Variants in GRB10 observed in about 807,000 individuals in gnomAD.
GRB10 encodes the protein growth factor receptor-bound protein 10.
In GRB10, 20 loss-of-function variants were observed where a neutral mutation model predicts 80.9. That is an observed-to-expected ratio of 0.25 (90% CI 0.17 to 0.36). The LOEUF (loss-of-function observed/expected upper bound fraction) is 0.36. Ranked by LOEUF, GRB10 falls within the 10% of genes least tolerant of loss-of-function variation. The pLI is 1.00. For missense variants in GRB10, 548 were observed against 747.7 expected (o/e 0.73, Z 3.12); for synonymous variants, 291 against 291.5 (o/e 1.00, Z 0.02).
intron 8 of GRB10, among the ~76,000 whole-genome samples, chr7:50,625,526 C>A (rs2052719298): frequency 6.6e-6 from 1 of 152,188 alleles, no homozygotes; most frequent in Non-Finnish European, 1.5e-5. Context: ...GTAGGATCCA[C>A]TCATGGACGT....
chr7:50,652,114 G>T (rs933801792), intron 7 of GRB10, among the ~76,000 whole-genome samples: 1 of 152,252 alleles, frequency 6.6e-6, no homozygotes, highest in Non-Finnish European at 1.5e-5. Context: ...TGTAAATAAT[G>T]TGTATTTCTA....
At chr7:50,709,443 G>A (rs113596186) in intron 4 of GRB10, among the ~76,000 whole-genome samples, 3 of 152,294 alleles carry the variant, frequency 2.0e-5, no homozygotes, top group Non-Finnish European at 2.9e-5. Context: ...TGTTCCTTCC[G>A]TAAGCCACGT....
At chr7:50,717,663 T>TCATTC (rs2067071103) in intron 4 of GRB10, among the ~76,000 whole-genome samples, 1 of 152,222 alleles carries the variant, frequency 6.6e-6, no homozygotes, top group African/African-American at 2.4e-5. Context: ...CTCCCTAAGT[T>TCATTC]AGGAACCTCG....
chr7:50,609,185 AT>A (rs1448508425), intron 13 of GRB10, among the ~76,000 whole-genome samples: 1 of 152,234 alleles, frequency 6.6e-6, no homozygotes, highest in Non-Finnish European at 1.5e-5. Flanking sequence ...ATACAATTAA[AT>A]CACAGTAAAT....
intron 3 of GRB10, among the ~76,000 whole-genome samples, chr7:50,732,922 C>T (rs2070118584): frequency 6.6e-6 from 1 of 152,090 alleles, no homozygotes; most frequent in Non-Finnish European, 1.5e-5. Flanking sequence ...GCACCTAGTA[C>T]CGAATAAAAT....
chr7:50,714,282 T>C (rs1420585576), intron 4 of GRB10, among the ~76,000 whole-genome samples: 1 of 152,222 alleles, frequency 6.6e-6, no homozygotes, highest in Non-Finnish European at 1.5e-5. Flanking sequence ...AACTACCCAC[T>C]TAATAATTTT....
intron 17 of GRB10, among the ~76,000 whole-genome samples, chr7:50,597,243 T>TG (rs761514268): frequency 4.9e-4 from 74 of 152,366 alleles, no homozygotes; most frequent in Admixed American, 1.8e-3. Flanking sequence ...TTGCAGGCCT[T>TG]GTGTGCTTCA....
chr7:50,720,828 T>A (rs185923694), intron 4 of GRB10, among the ~76,000 whole-genome samples: 1 of 152,254 alleles, frequency 6.6e-6, no homozygotes, highest in African/African-American at 2.4e-5. Context: ...ATCAATGTAT[T>A]TACTGCTTGT....
chr7:50,615,481 G>A (rs1394660250), intron 11 of GRB10, among the ~76,000 whole-genome samples: 1 of 152,194 alleles, frequency 6.6e-6, no homozygotes, highest in Non-Finnish European at 1.5e-5. Flanking sequence ...CCCAGGTGTC[G>A]GCAGCTGCTG....
intron 7 of GRB10, among the ~76,000 whole-genome samples, chr7:50,648,157 G>A (rs899273650): frequency 3.3e-5 from 5 of 152,072 alleles, no homozygotes; most frequent in Admixed American, 6.5e-5. Context: ...GAGGGGAGAC[G>A]GAGCACCAAG....
intron 7 of GRB10, among the ~76,000 whole-genome samples, chr7:50,653,637 T>C (rs1435415796): frequency 6.6e-6 from 1 of 151,848 alleles, no homozygotes; most frequent in Non-Finnish European, 1.5e-5. Context: ...TCTCCCACAC[T>C]CCTCCCCTTG....
At chr7:50,607,417 T>C (rs1042325324) in intron 13 of GRB10, among the ~76,000 whole-genome samples, 1 of 152,236 alleles carries the variant, frequency 6.6e-6, no homozygotes, top group South Asian at 2.1e-4. Context: ...ATATGGTGCA[T>C]GCCTCAGTGC....
At chr7:50,694,310 C>A (rs954393258) in intron 5 of GRB10, among the ~76,000 whole-genome samples, 2 of 152,078 alleles carry the variant, frequency 1.3e-5, no homozygotes, top group Non-Finnish European at 2.9e-5. Context: ...GGTGTCAGAG[C>A]GAGACTCTGT....
chr7:50,617,276 GA>G (rs760519193), intron 10 of GRB10, among the ~76,000 whole-genome samples: 15 of 152,214 alleles, frequency 9.9e-5, no homozygotes, highest in Non-Finnish European at 1.8e-4. Context: ...CAAATTTGGT[GA>G]TAACAACGTA....
At chr7:50,750,839 T>C (rs1324915239) in intron 3 of GRB10, among the ~76,000 whole-genome samples, 3 of 152,184 alleles carry the variant, frequency 2.0e-5, no homozygotes, top group Non-Finnish European at 4.4e-5. Context: ...ACTCATCTCC[T>C]GGGTCCCCAG....
chr7:50,597,055 G>A (rs1318044941), intron 17 of GRB10, among the ~76,000 whole-genome samples: 1 of 152,220 alleles, frequency 6.6e-6, no homozygotes, highest in Admixed American at 6.5e-5. Context: ...AGATTGTAAT[G>A]TGAAGATGGA....
chr7:50,638,481 C>T (rs2876869), intron 7 of GRB10, among the ~76,000 whole-genome samples: 65,132 of 152,002 alleles, frequency 0.43, 14,179 homozygotes, highest in Middle Eastern at 0.55. Flanking sequence ...CCAATAAACA[C>T]ATAAAGAGAT....
chr7:50,655,328 G>A (rs992844413), intron 7 of GRB10, among the ~76,000 whole-genome samples: 1 of 152,142 alleles, frequency 6.6e-6, no homozygotes, highest in African/African-American at 2.4e-5. Context: ...GGCCCTTCAT[G>A]CTGGCTCCTG....
intron 3 of GRB10, among the ~76,000 whole-genome samples, chr7:50,732,773 T>C (rs1328869852): frequency 1.3e-5 from 2 of 151,910 alleles, no homozygotes; most frequent in Non-Finnish European, 2.9e-5. Context: ...CCAGAAGGGG[T>C]TGTGTGTGTG....
Sources: allele counts gnomAD v4.1 joint callset (sites outside exome capture counted in the v4.1 genomes callset), GRCh38; gene constraint gnomAD v4.1.1; transcripts MANE v1.5; gene names NCBI Gene and HGNC (gene_info 2026-07-23, HGNC 2026-07-21).